The following PRORP variants were observed in gnomAD, a reference collection of about 807,000 sequenced individuals.
PRORP encodes the protein mitochondrial ribonuclease P catalytic subunit.
PRORP carries 51 observed loss-of-function variants against 59.4 expected under a neutral mutation model. The ratio of observed to expected loss-of-function variants is 0.86; its 90% CI spans 0.69 to 1.08. The LOEUF (loss-of-function observed/expected upper bound fraction) is 1.08. Among genes scored for constraint, PRORP ranks in the 50% least tolerant of loss-of-function variants. The pLI, the probability that PRORP is intolerant of heterozygous loss-of-function variation, is 0.00. For missense variants in PRORP, 646 were observed against 690.3 expected, an observed-to-expected ratio of 0.94 and a Z score of 0.72; for synonymous variants, 231 against 245.6, an observed-to-expected ratio of 0.94 and a Z score of 0.55.
intron 4 of PRORP, among the ~76,000 whole-genome samples, chr14:35,136,630 C>T (rs1348171618): frequency 6.9e-6 from 1 of 145,426 alleles, no homozygotes; most frequent in African/African-American, 2.4e-5. Flanking sequence ...CCACCTCGGC[C>T]TCCCAAAGTG....
intron 5 of PRORP, among the ~76,000 whole-genome samples, chr14:35,191,071 A>G (rs1447377093): frequency 3.3e-5 from 5 of 152,156 alleles, no homozygotes; most frequent in Non-Finnish European, 5.9e-5. Context: ...GCATGGTAGC[A>G]TGCACCTGTT....
At position 35,266,953 on chromosome 14, in the gene PRORP, A is replaced by G. The variant is rs920522397; in HGVS notation, c.1424+78A>G. ...CTTGTTAGTTACCTACTTTAAACCT[A>G]TCTTTTAAATGCATGTGTATGTGTA... is the stretch of plus-strand genomic sequence containing the variant. On this transcript the variant is annotated intron_variant, in intron 6 of 7. Coordinates refer to ENST00000534898, the MANE Select transcript of PRORP (RefSeq NM_014672.4). The G allele has an allele frequency of 2.0e-5, 29 of 1,427,114 alleles. No individual in the cohort carries two copies. In the East Asian group the frequency reaches 4.4e-4, roughly 22 times the overall value. 88.4% of individuals were successfully genotyped at this position (1,427,114 alleles called of 1,614,324 possible). A position where few individuals can be genotyped will look rare whatever the true frequency, so the allele number is the denominator to read the frequency against.
chr14:35,249,108 T>A (rs1174542733), intron 5 of PRORP, among the ~76,000 whole-genome samples: 1 of 152,178 alleles, frequency 6.6e-6, no homozygotes, highest in Non-Finnish European at 1.5e-5. Flanking sequence ...TTGTCAAAAT[T>A]AATAAATGCA....
At chr14:35,254,556 C>G (rs2050699861) in intron 5 of PRORP, among the ~76,000 whole-genome samples, 1 of 152,166 alleles carries the variant, frequency 6.6e-6, no homozygotes, top group South Asian at 2.1e-4. Flanking sequence ...CCACTCGCAG[C>G]TAATTTTGTA....
intron 4 of PRORP, among the ~76,000 whole-genome samples, chr14:35,179,525 C>G (rs112863888): frequency 0.059 from 9,030 of 152,174 alleles, 488 homozygotes; most frequent in Admixed American, 0.18. Context: ...TCCAGTTGAT[C>G]GAGTCGGTTA....
At chr14:35,127,383 A>G in intron 3 of PRORP, 96 bp from the exon 4 acceptor site, 1 of 844,994 alleles carries the variant, frequency 1.2e-6, no homozygotes, top group African/African-American at 1.8e-5. Context: ...CTTTTTTATT[A>G]CCTTTTAATT....
chr14:35,231,476 T>G (rs1473192914), intron 5 of PRORP, among the ~76,000 whole-genome samples: 2 of 152,230 alleles, frequency 1.3e-5, no homozygotes, highest in Non-Finnish European at 2.9e-5. Context: ...GTTTTTGTAT[T>G]TGTTTGGCTT....
chr14:35,207,607 G>C (rs575604695), intron 5 of PRORP, among the ~76,000 whole-genome samples: 1 of 152,182 alleles, frequency 6.6e-6, no homozygotes, highest in South Asian at 2.1e-4. Context: ...TTTAAAGAAT[G>C]TGTTATAGTG....
chr14:35,156,516 G>T (rs1158790001), intron 4 of PRORP, among the ~76,000 whole-genome samples: 1 of 152,132 alleles, frequency 6.6e-6, no homozygotes, highest in African/African-American at 2.4e-5. Flanking sequence ...CAGATGTTTT[G>T]AATTAGCAGA....
intron 5 of PRORP, chr14:35,262,886 A>C (rs1471475894): frequency 6.4e-7 from 1 of 1,554,980 alleles, no homozygotes; most frequent in East Asian, 2.2e-5. Flanking sequence ...AGAAAGATGA[A>C]TTAATCCTTG....
At position 35,138,231 on chromosome 14, in the gene PRORP, C is replaced by T. The variant is rs1051816663; in HGVS notation, c.1167+10620C>T. ...CCCATCAGATTTGATTAGGGCCCAT[C>T]CTTATGACCTTATTTTACCTTAATT... On this transcript the variant is annotated intron_variant, in intron 4 of 7. Coordinates refer to ENST00000534898, the MANE Select transcript of PRORP (RefSeq NM_014672.4). 1.4e-4 allele frequency among the ~76,000 whole-genome samples: 20 copies of T among 145,264 alleles called. 1 individual carries two copies. Among genetic ancestry groups the T allele is most frequent in the Non-Finnish European group, 2.9e-4 (19 of 65,484 alleles).
chr14:35,250,542 A>T (rs1311406593), intron 5 of PRORP, among the ~76,000 whole-genome samples: 2 of 152,202 alleles, frequency 1.3e-5, no homozygotes, highest in Non-Finnish European at 2.9e-5. Flanking sequence ...GGAGTGCCAG[A>T]CTAGCTGAAT....
intron 5 of PRORP, among the ~76,000 whole-genome samples, chr14:35,181,758 C>G (rs1356465975): frequency 1.5e-5 from 2 of 130,228 alleles, no homozygotes; most frequent in African/African-American, 5.7e-5. Flanking sequence ...GCACTCCAGC[C>G]TGGGCAACAA....
At chr14:35,266,692 T>C (rs2051050844) in intron 5 of PRORP, 35 bp from the exon 6 acceptor site, 1 of 1,608,854 alleles carries the variant, frequency 6.2e-7, no homozygotes, top group Non-Finnish European at 8.5e-7. Flanking sequence ...GAGTCTTCCC[T>C]TGAACTTTTG....
At chr14:35,159,611 G>A (rs1041330014) in intron 4 of PRORP, among the ~76,000 whole-genome samples, 1 of 152,106 alleles carries the variant, frequency 6.6e-6, no homozygotes, top group African/African-American at 2.4e-5. Flanking sequence ...ACAATGCTTG[G>A]CATCCAGTAG....
At chr14:35,156,787 G>A (rs1566463312) in intron 4 of PRORP, among the ~76,000 whole-genome samples, 1 of 152,174 alleles carries the variant, frequency 6.6e-6, no homozygotes, top group Non-Finnish European at 1.5e-5. Context: ...AAGGTACAGT[G>A]TCCCCAGATA....
chr14:35,270,392 C>G lies in PRORP; in HGVS notation c.1425-9C>G. On this transcript the variant is annotated splice_polypyrimidine_tract_variant and intron_variant, in intron 6 of 7. Coordinates refer to ENST00000534898, the MANE Select transcript of PRORP (RefSeq NM_014672.4). ...TGCTTGATTGTGTCCTTTCTTATGC[C>G]TGGTTCAGCTCGGAGGATGATCCAT... The G allele has an allele frequency of 6.2e-7, 1 of 1,611,324 alleles. No individual in the cohort carries two copies. The highest frequency in any genetic ancestry group is 1.9e-4 in the Middle Eastern group (1 of 5,334).
At chr14:35,214,728 G>A (rs973261734) in intron 5 of PRORP, among the ~76,000 whole-genome samples, 3 of 152,134 alleles carry the variant, frequency 2.0e-5, no homozygotes, top group Non-Finnish European at 2.9e-5. Context: ...CCAACATGGC[G>A]AAACTGCATC....
chr14:35,192,089 C>T (rs908829818), intron 5 of PRORP, among the ~76,000 whole-genome samples: 1 of 152,236 alleles, frequency 6.6e-6, no homozygotes, highest in South Asian at 2.1e-4. Context: ...AGTTCCTCAT[C>T]GTGGATTATA....
Sources: gnomAD v4.1 joint callset for allele counts (sites outside exome capture counted in the v4.1 genomes callset) on GRCh38, gnomAD v4.1.1 for gene constraint, MANE v1.5 for transcripts, NCBI Gene and HGNC (gene_info 2026-07-23, HGNC 2026-07-21) for gene names.